The following FZR1 variants were observed in gnomAD, a reference collection of about 807,000 sequenced individuals.
FZR1 encodes fizzy-related protein homolog.
Under a neutral mutation model 63.6 loss-of-function variants are expected in FZR1, and 11 were observed. The ratio of observed to expected loss-of-function variants is 0.17; its 90% CI spans 0.11 to 0.29. The LOEUF is 0.29. FZR1 is among the 10% of genes least tolerant of loss of function. The probability of loss-of-function intolerance (pLI) is 1.00; values close to 1 mark genes in which losing one functional copy is unlikely to be tolerated. For synonymous variants in FZR1, 328 were observed against 297.9 expected, an observed-to-expected ratio of 1.10 and a Z score of -1.04; for missense variants, 440 against 687.5, an observed-to-expected ratio of 0.64 and a Z score of 4.03.
At chr19:3,510,937 TG>T (rs1303059747) in intron 1 of FZR1, among the ~76,000 whole-genome samples, 1 of 152,242 alleles carries the variant, frequency 6.6e-6, no homozygotes, top group Non-Finnish European at 1.5e-5. Flanking sequence ...GCGCTGAGGT[TG>T]GGGCCCTCGC....
rs35595960 is a variant in FZR1, at chr19:3,534,760, G to A, written c.1441-35G>A. ...CAGGCAGCTTCCTCCCTGGGCCTGC[G>A]GCTCAGCGCATCTGCCATCCCCATG... is the stretch of plus-strand genomic sequence containing the variant. On this transcript the variant is annotated intron_variant, in intron 13 of 13. Coordinates refer to ENST00000441788, the MANE Select transcript of FZR1 (RefSeq NM_016263.4). 0.011 allele frequency: 18,266 copies of A among 1,603,118 alleles called. 157 individuals carry two copies. The highest frequency in any genetic ancestry group is 0.014 in the Non-Finnish European group (16,957 of 1,171,314).
intron 11 of FZR1, among the ~76,000 whole-genome samples, chr19:3,532,909 G>T (rs1237947546): frequency 2.6e-5 from 4 of 152,290 alleles, no homozygotes; most frequent in Admixed American, 2.6e-4. Context: ...AGGAGCCGGG[G>T]AGCTCCTATG....
intron 2 of FZR1, 92 bp downstream of exon 2, chr19:3,523,150 A>G (rs1443689648): frequency 3.6e-6 from 3 of 838,410 alleles, no homozygotes; most frequent in African/African-American, 3.3e-5. Context: ...CACTGTCACT[A>G]AAGCCCCACG....
chr19:3,536,442 G>A lies in FZR1; in HGVS notation c.*1606G>A, dbSNP rs1277797205. ...GGCAGTGTGGATTTCCAGTGGTCACGGTCTTACTGTTTCAAGGTTTTTAAA... is the reference window on the plus strand; with the variant it reads ...GGCAGTGTGGATTTCCAGTGGTCACAGTCTTACTGTTTCAAGGTTTTTAAA... On this transcript the variant is annotated 3_prime_UTR_variant, in exon 14 of 14. Coordinates refer to ENST00000441788, the MANE Select transcript of FZR1 (RefSeq NM_016263.4). 2.6e-5 allele frequency: 4 copies of A among 152,204 alleles called. No homozygotes were observed. Among genetic ancestry groups the A allele is most frequent in the East Asian group, 3.9e-4 (2 of 5,180 alleles). 9.4% of individuals were successfully genotyped at this position (152,204 alleles called of 1,614,324 possible).
At chr19:3,506,505 C>G (rs2082983909) in intron 1 of FZR1, 31 bp downstream of exon 1, 1 of 151,824 alleles carries the variant, frequency 6.6e-6, no homozygotes, top group African/African-American at 2.4e-5. Flanking sequence ...GACCCGCCCC[C>G]CGGGCCCTAG....
intron 10 of FZR1, 59 bp from the exon 11 acceptor site, chr19:3,532,358 A>G: frequency 7.3e-7 from 1 of 1,361,028 alleles, no homozygotes; most frequent in East Asian, 2.5e-5. Flanking sequence ...ACCTGTGAGG[A>G]CCGGCCTATG....
At chr19:3,520,641 T>C (rs976325851) in intron 1 of FZR1, among the ~76,000 whole-genome samples, 33 of 152,348 alleles carry the variant, frequency 2.2e-4, no homozygotes, top group African/African-American at 6.3e-4. Flanking sequence ...AGGGACCACA[T>C]GCGTCCCTTG....
intron 13 of FZR1, 60 bp downstream of exon 13, chr19:3,534,573 C>G (rs1448983783): frequency 1.8e-6 from 2 of 1,130,580 alleles, no homozygotes; most frequent in African/African-American, 1.5e-5. Flanking sequence ...AGGGTCGTCC[C>G]TGTCCCCACT....
At chr19:3,528,517 C>CTGTG (rs56342854) in intron 7 of FZR1, among the ~76,000 whole-genome samples, 2 of 151,854 alleles carry the variant, frequency 1.3e-5, no homozygotes, top group East Asian at 1.9e-4. Flanking sequence ...AGGCTCTCCC[C>CTGTG]TGTGTGTGTG....
intron 11 of FZR1, 95 bp downstream of exon 11, chr19:3,532,745 G>A: frequency 1.2e-6 from 1 of 858,126 alleles, no homozygotes; most frequent in Non-Finnish European, 1.9e-6. Flanking sequence ...GGGGAGATGG[G>A]TCAGAGTCGC....
chr19:3,534,227 T>TAA (rs3040391), intron 12 of FZR1, 194 bp from the exon 13 acceptor site: 26,772 of 280,718 alleles, frequency 0.095, 2,064 homozygotes, highest in African/African-American at 0.26. Context: ...GTCTTAAAAT[T>TAA]AAAAAAAAAA....
At chr19:3,517,557 G>A (rs2083067617) in intron 1 of FZR1, among the ~76,000 whole-genome samples, 1 of 151,948 alleles carries the variant, frequency 6.6e-6, no homozygotes, top group African/African-American at 2.4e-5. Flanking sequence ...GTGTGGTGGT[G>A]AGTGCCTGTA....
Position 3,531,705 on chromosome 19 carries a change from C to T in FZR1, c.721-9C>T, listed in dbSNP as rs2083249380. 6.5e-7 allele frequency: 1 copy of T among 1,542,738 alleles called. No homozygotes were observed. The highest frequency in any genetic ancestry group is 1.4e-5 in the African/African-American group (1 of 72,958). ...GACACCGGTGCTCTGCCCATGCCTT[C>T]CATCCTAGGGGAACCTGGTGGCGGT... is the stretch of plus-strand genomic sequence containing the variant. On this transcript the variant is annotated splice_polypyrimidine_tract_variant and intron_variant, in intron 8 of 13. Transcript: ENST00000441788.
chr19:3,519,808 G>A (rs1020082114), intron 1 of FZR1, among the ~76,000 whole-genome samples: 8 of 152,176 alleles, frequency 5.3e-5, no homozygotes, highest in African/African-American at 1.4e-4. Context: ...TCTCTGCTCC[G>A]CGGTTTCCTT....
intron 1 of FZR1, among the ~76,000 whole-genome samples, chr19:3,508,536 T>C (rs1167069955): frequency 6.6e-6 from 1 of 152,186 alleles, no homozygotes; most frequent in Non-Finnish European, 1.5e-5. Flanking sequence ...TAATGGGGTT[T>C]CTGGTAGAGG....
At chr19:3,524,467 G>A (rs572239421) in intron 2 of FZR1, among the ~76,000 whole-genome samples, 6 of 152,334 alleles carry the variant, frequency 3.9e-5, no homozygotes, top group South Asian at 4.1e-4. Flanking sequence ...CAGACGGAGC[G>A]CCAGGCTGTG....
intron 2 of FZR1, among the ~76,000 whole-genome samples, chr19:3,524,150 C>T (rs529418319): frequency 1.3e-5 from 2 of 152,344 alleles, no homozygotes; most frequent in South Asian, 2.1e-4. Context: ...CTGGGCACCA[C>T]GGCGCCCAGC....
chr19:3,534,409 T>A lies in FZR1; in HGVS notation c.1348-12T>A. 1 of 1,512,934 alleles carries A rather than the reference T, an allele frequency of 6.6e-7. No homozygotes were observed. 93.7% of individuals were successfully genotyped at this position (1,512,934 alleles called of 1,614,324 possible). On this transcript the variant is annotated splice_polypyrimidine_tract_variant and intron_variant, in intron 12 of 13. Transcript: ENST00000441788. ...GGCCCAGAGACATGGGGTGCTTCCC[T>A]CCTGTCCACAGGCAATGTCCCCTGA...
chr19:3,534,542 G>GC, intron 13 of FZR1, 29 bp downstream of exon 13: 1 of 1,423,960 alleles, frequency 7.0e-7, no homozygotes, highest in South Asian at 1.2e-5. Flanking sequence ...AGCGCCACTC[G>GC]CCCCCGCCCC....
Sources: allele counts gnomAD v4.1 joint callset (sites outside exome capture counted in the v4.1 genomes callset), GRCh38; gene constraint gnomAD v4.1.1; transcripts MANE v1.5; gene names NCBI Gene and HGNC (gene_info 2026-07-23, HGNC 2026-07-21).